The following CCL28 variants were observed in gnomAD, a reference collection of about 807,000 sequenced individuals.
The protein encoded by CCL28 is C-C motif chemokine ligand 28, also known as C-C motif chemokine 28.
CCL28 carries 4 observed loss-of-function variants against 7.1 expected under a neutral mutation model. That is an observed-to-expected ratio of 0.56 (90% CI 0.28 to 1.29). CCL28 has a LOEUF of 1.29. CCL28 is among the 50% of genes most tolerant of loss of function. The probability of loss-of-function intolerance (pLI) is 0.11; values close to 1 mark genes in which losing one functional copy is unlikely to be tolerated. For synonymous variants in CCL28, 55 were observed against 57.8 expected (o/e 0.95, Z 0.22); for missense variants, 151 against 163.4 (o/e 0.92, Z 0.41).
At chr5:43,396,755 A>G (rs563447992) in intron 1 of CCL28, among the ~76,000 whole-genome samples, 1 of 152,310 alleles carries the variant, frequency 6.6e-6, no homozygotes, top group African/African-American at 2.4e-5. Flanking sequence ...AAGCACGAGA[A>G]AAAAAGAAAG....
the CCL28 span, among the ~76,000 whole-genome samples, chr5:43,369,780 TC>T: frequency 5.3e-5 from 8 of 152,146 alleles, no homozygotes; most frequent in African/African-American, 2.4e-5. Context: ...AAAGATGACC[TC>T]CAATGAATCT....
chr5:43,384,088 C>G (rs1367045254), intron 2 of CCL28: 1 of 154,532 alleles, frequency 6.5e-6, no homozygotes, highest in Non-Finnish European at 1.5e-5. Context: ...GAAACTCCGT[C>G]TCAAAAAGAA....
chr5:43,409,262 C>T (rs1465753414), intron 1 of CCL28, among the ~76,000 whole-genome samples: 2 of 152,090 alleles, frequency 1.3e-5, no homozygotes, highest in African/African-American at 4.8e-5. Flanking sequence ...CCCGTCTCTA[C>T]TAAAAATACA....
downstream of CCL28, among the ~76,000 whole-genome samples, chr5:43,372,306 G>A (rs1009830811): frequency 4.6e-5 from 7 of 152,180 alleles, no homozygotes; most frequent in South Asian, 4.1e-4. Flanking sequence ...TTCATGAGTC[G>A]TTGAAGAGGA....
chr5:43,368,446 T>C, the CCL28 span, among the ~76,000 whole-genome samples: 1 of 152,216 alleles, frequency 6.6e-6, no homozygotes, highest in Non-Finnish European at 1.5e-5. Context: ...GCCATGCGGC[T>C]AACTGCTGGC....
chr5:43,389,182 C>A (rs1363248806), intron 1 of CCL28, among the ~76,000 whole-genome samples: 1 of 152,060 alleles, frequency 6.6e-6, no homozygotes, highest in Non-Finnish European at 1.5e-5. Context: ...TACAAGATCT[C>A]TTTTTGGAGT....
At chr5:43,404,626 T>C (rs1049067818) in intron 1 of CCL28, among the ~76,000 whole-genome samples, 13 of 152,158 alleles carry the variant, frequency 8.5e-5, no homozygotes, top group African/African-American at 3.1e-4. Flanking sequence ...CCAGCTAGCA[T>C]CATAATGACA....
intron 1 of CCL28, among the ~76,000 whole-genome samples, chr5:43,390,096 T>G (rs1256550296): frequency 6.6e-6 from 1 of 152,228 alleles, no homozygotes; most frequent in Non-Finnish European, 1.5e-5. Flanking sequence ...AAGATGATTA[T>G]GTGACATTTC....
At chr5:43,358,061 G>A in the CCL28 span, among the ~76,000 whole-genome samples, 2 of 152,106 alleles carry the variant, frequency 1.3e-5, no homozygotes, top group African/African-American at 2.4e-5. Flanking sequence ...AGCCCCTAAT[G>A]TCACCACTCA....
At chr5:43,390,844 A>C (rs896715196) in intron 1 of CCL28, among the ~76,000 whole-genome samples, 1 of 152,242 alleles carries the variant, frequency 6.6e-6, no homozygotes, top group Non-Finnish European at 1.5e-5. Flanking sequence ...ACTGCCAGGC[A>C]AGAAAGTGGG....
intron 1 of CCL28, among the ~76,000 whole-genome samples, chr5:43,391,578 A>G (rs1489077470): frequency 6.6e-6 from 1 of 152,194 alleles, no homozygotes; most frequent in East Asian, 1.9e-4. Flanking sequence ...AAAAACACCT[A>G]TATACTCATC....
the CCL28 span, among the ~76,000 whole-genome samples, chr5:43,370,086 C>T: frequency 0.056 from 8,554 of 152,244 alleles, 511 homozygotes; most frequent in African/African-American, 0.16. Context: ...TTGGACTTTC[C>T]AGTCCCAACC....
At chr5:43,376,772 G>C (rs1339517494), downstream of CCL28, 2 of 152,232 alleles carry the variant, frequency 1.3e-5, no homozygotes, top group Non-Finnish European at 2.9e-5. Flanking sequence ...GCCACTGATT[G>C]GTCAGGGTAA....
At chr5:43,404,479 G>A (rs1408428737) in intron 1 of CCL28, among the ~76,000 whole-genome samples, 1 of 152,108 alleles carries the variant, frequency 6.6e-6, no homozygotes, top group Non-Finnish European at 1.5e-5. Flanking sequence ...GTCACCACCA[G>A]GCCTGTCTTA....
downstream of CCL28, among the ~76,000 whole-genome samples, chr5:43,374,762 C>T (rs60826019): frequency 0.23 from 32,096 of 138,782 alleles, 3,979 homozygotes; most frequent in Middle Eastern, 0.29. Flanking sequence ...GCTTGGGCGA[C>T]AGAGTGAGAC....
At chr5:43,398,537 C>T (rs573240711) in intron 1 of CCL28, among the ~76,000 whole-genome samples, 11 of 152,302 alleles carry the variant, frequency 7.2e-5, no homozygotes, top group African/African-American at 2.6e-4. Context: ...AGTTACTAGT[C>T]TCTTCTAATA....
downstream of CCL28, chr5:43,377,505 A>AAAAAAG (rs1554024716): frequency 4.7e-5 from 7 of 149,942 alleles, no homozygotes; most frequent in Non-Finnish European, 7.4e-5. Context: ...AAAAAAAAAA[A>AAAAAAG]AAAGAAAGAA....
Position 43,408,517 on chromosome 5 carries a change from G to A in CCL28, c.64+3736C>T, listed in dbSNP as rs535274804. Among the ~76,000 whole-genome samples, 8 of 152,250 alleles carry A rather than the reference G, an allele frequency of 5.3e-5. No individual in the cohort carries two copies. In the East Asian group the frequency reaches 7.7e-4, roughly 15 times the overall value. ...GGTGGGGGGAGCGGGGAGGGATAGC[G>A]TTAGGAGATATACTTATTGTAAATG... On this transcript the variant is annotated intron_variant, in intron 1 of 2. Coordinates refer to ENST00000361115, the MANE Select transcript of CCL28 (RefSeq NM_148672.3).
chr5:43,369,036 A>G, the CCL28 span, among the ~76,000 whole-genome samples: 41 of 104,520 alleles, frequency 3.9e-4, no homozygotes, highest in African/African-American at 4.2e-4. Flanking sequence ...GAAAGAGAGA[A>G]AGAGAGAGAG....
Sources: allele counts gnomAD v4.1 joint callset (sites outside exome capture counted in the v4.1 genomes callset), GRCh38; gene constraint gnomAD v4.1.1; transcripts MANE v1.5; gene names NCBI Gene and HGNC (gene_info 2026-07-23, HGNC 2026-07-21).